PPP1R16B: variants seen among roughly 807,000 people sequenced by gnomAD.
PPP1R16B encodes protein phosphatase 1 regulatory subunit 16B, also known as protein phosphatase 1 regulatory inhibitor subunit 16B.
Under a neutral mutation model 61.7 loss-of-function variants are expected in PPP1R16B, and 14 were observed. That is an observed-to-expected ratio of 0.23 (90% CI 0.15 to 0.35). The LOEUF (loss-of-function observed/expected upper bound fraction) is 0.35. Ranked by LOEUF, PPP1R16B falls within the 10% of genes least tolerant of loss-of-function variation. The probability of loss-of-function intolerance (pLI) is 1.00; values close to 1 mark genes in which losing one functional copy is unlikely to be tolerated. For synonymous variants in PPP1R16B, 266 were observed against 305.3 expected (o/e 0.87, Z 1.34); for missense variants, 547 against 752.5 (o/e 0.73, Z 3.19).
intron 2 of PPP1R16B, among the ~76,000 whole-genome samples, chr20:38,840,253 C>T (rs1209727170): frequency 2.0e-5 from 3 of 152,274 alleles, no homozygotes; most frequent in Admixed American, 6.5e-5. Context: ...CTCACAGTGG[C>T]GTGGGAGCGT....
intron 1 of PPP1R16B, among the ~76,000 whole-genome samples, chr20:38,818,562 T>G (rs2084753879): frequency 6.6e-6 from 1 of 152,054 alleles, no homozygotes; most frequent in Admixed American, 6.6e-5. Context: ...TCCACCAGCG[T>G]TGTGGATGGC....
intron 2 of PPP1R16B, among the ~76,000 whole-genome samples, chr20:38,836,381 T>C (rs949524634): frequency 5.9e-5 from 9 of 152,200 alleles, no homozygotes; most frequent in African/African-American, 2.2e-4. Context: ...AGACAGGGTC[T>C]CGCTCTGTCT....
chr20:38,818,251 C>T (rs111419037), intron 1 of PPP1R16B, among the ~76,000 whole-genome samples: 82 of 152,176 alleles, frequency 5.4e-4, no homozygotes, highest in Non-Finnish European at 1.1e-3. Context: ...AGACTCATTG[C>T]GGGGATTAAA....
At chr20:38,845,654 G>A (rs946698328) in intron 2 of PPP1R16B, among the ~76,000 whole-genome samples, 24 of 152,102 alleles carry the variant, frequency 1.6e-4, no homozygotes, top group Non-Finnish European at 1.0e-4. Context: ...CAGGGTTGGC[G>A]TGTTTGAAGA....
chr20:38,816,859 G>T (rs1404245945), intron 1 of PPP1R16B, among the ~76,000 whole-genome samples: 1 of 152,186 alleles, frequency 6.6e-6, no homozygotes, highest in African/African-American at 2.4e-5. Context: ...GCCAGGCGAG[G>T]TATGTCCTGG....
At chr20:38,888,094 C>T (rs1200355774) in intron 2 of PPP1R16B, among the ~76,000 whole-genome samples, 2 of 152,224 alleles carry the variant, frequency 1.3e-5, no homozygotes, top group Non-Finnish European at 2.9e-5. Context: ...AATTTGTTTC[C>T]CCACAGCAGA....
At chr20:38,827,807 G>A (rs780022688) in intron 1 of PPP1R16B, among the ~76,000 whole-genome samples, 2 of 151,916 alleles carry the variant, frequency 1.3e-5, no homozygotes, top group Non-Finnish European at 2.9e-5. Flanking sequence ...AAAAAATGAC[G>A]CTATTATTCA....
chr20:38,891,489 A>G (rs910529817), intron 3 of PPP1R16B, among the ~76,000 whole-genome samples: 29 of 152,220 alleles, frequency 1.9e-4, no homozygotes, highest in African/African-American at 6.8e-4. Context: ...TTATCCTTAC[A>G]ACAAACTTCA....
intron 2 of PPP1R16B, among the ~76,000 whole-genome samples, chr20:38,850,126 T>C (rs964757308): frequency 2.0e-5 from 3 of 152,186 alleles, no homozygotes; most frequent in Non-Finnish European, 4.4e-5. Flanking sequence ...CTAAATCCTT[T>C]TGGCAACCTC....
intron 2 of PPP1R16B, among the ~76,000 whole-genome samples, chr20:38,868,886 G>A (rs1040861084): frequency 3.9e-5 from 6 of 152,132 alleles, no homozygotes; most frequent in African/African-American, 1.4e-4. Flanking sequence ...TGGACATATG[G>A]ATTAGGTAAA....
intron 2 of PPP1R16B, among the ~76,000 whole-genome samples, chr20:38,867,042 A>G (rs889329593): frequency 1.3e-5 from 2 of 152,116 alleles, no homozygotes; most frequent in African/African-American, 4.8e-5. Context: ...CACTTGGCGT[A>G]ATGTTTTTCG....
At chr20:38,916,961 T>C (rs1319950374) in intron 10 of PPP1R16B, among the ~76,000 whole-genome samples, 1 of 152,214 alleles carries the variant, frequency 6.6e-6, no homozygotes, top group Non-Finnish European at 1.5e-5. Flanking sequence ...TACATATTAG[T>C]ATCCCCTGCC....
At chr20:38,809,419 A>G (rs1031771800) in intron 1 of PPP1R16B, among the ~76,000 whole-genome samples, 1 of 152,172 alleles carries the variant, frequency 6.6e-6, no homozygotes, top group Non-Finnish European at 1.5e-5. Context: ...AGGGATTTCA[A>G]GATGAATGAG....
intron 2 of PPP1R16B, among the ~76,000 whole-genome samples, chr20:38,881,859 C>A (rs1234860645): frequency 6.6e-6 from 1 of 152,154 alleles, no homozygotes; most frequent in Non-Finnish European, 1.5e-5. Flanking sequence ...GTATATGCTT[C>A]CTTCCCTGGG....
intron 4 of PPP1R16B, among the ~76,000 whole-genome samples, 154 bp downstream of exon 4, chr20:38,895,864 C>T (rs1385595995): frequency 3.1e-5 from 4 of 129,808 alleles, no homozygotes; most frequent in African/African-American, 9.4e-5. Context: ...TCTTTCTTCC[C>T]TCCCTCCCTC....
rs1449298076 is a variant in PPP1R16B, at chr20:38,907,421, A to G, written c.898+367A>G. Among the ~76,000 whole-genome samples the G allele has an allele frequency of 6.6e-6, 1 of 152,124 alleles. No individual in the cohort carries two copies. The highest frequency in any genetic ancestry group is 2.4e-5 in the African/African-American group (1 of 41,412). On this transcript the variant is annotated intron_variant, in intron 8 of 10. Transcript: ENST00000299824. This position sits in a 1 kb window ranked among gnomAD's most constrained non-coding sequence, Gnocchi z 4.5. ...ACATGGCTCAGTCAGCAATAGGTAG[A>G]TAGATGGATGAAGGGGTTAGGTAGA...
rs1304845669 is a variant in PPP1R16B, at chr20:38,813,769, T to TCA, written c.-102+7977_-102+7978insCA. On this transcript the variant is annotated intron_variant, in intron 1 of 10. Transcript: ENST00000299824. ...AGGGGTGACATCATCATCATCATCA[T>TCA]TATTATTATTATTATTATTATTATT... Among the ~76,000 whole-genome samples, 100 of 44,030 alleles carry TCA rather than the reference T, an allele frequency of 2.3e-3. 1 individual carries two copies. The highest frequency in any genetic ancestry group is 7.8e-3 in the African/African-American group (93 of 11,872). 28.9% of individuals were successfully genotyped at this position (44,030 alleles called of 152,430 possible). A position where few individuals can be genotyped will look rare whatever the true frequency, so the allele number is the denominator to read the frequency against.
At chr20:38,912,300 T>A (rs1348202119) in intron 10 of PPP1R16B, among the ~76,000 whole-genome samples, 1 of 151,946 alleles carries the variant, frequency 6.6e-6, no homozygotes, top group African/African-American at 2.4e-5. Context: ...GGTTTCACCA[T>A]GTTAAGGTGG....
In PPP1R16B at chr20:38,900,776, A is replaced by G. The variant is rs944600138; in HGVS notation, c.571+92A>G. 10 of 971,506 alleles carry G rather than the reference A, an allele frequency of 1.0e-5. 1 individual carries two copies. The highest frequency in any genetic ancestry group is 6.0e-5 in the East Asian group (2 of 33,514). The allele number at this position is 971,506 out of a possible 1,614,324, so 60.2% of individuals were successfully genotyped here. ...ATGCAGGCGAACAGATTAGCTACGC[A>G]TCGGCCTGCCTCGTGCGCTGTGCTC... On this transcript the variant is annotated intron_variant, in intron 5 of 10. Coordinates refer to ENST00000299824, the MANE Select transcript of PPP1R16B (RefSeq NM_015568.4).
Sources: allele counts gnomAD v4.1 joint callset (sites outside exome capture counted in the v4.1 genomes callset), GRCh38; gene constraint gnomAD v4.1.1; non-coding constraint Gnocchi (gnomAD v3.1); transcripts MANE v1.5; gene names NCBI Gene and HGNC (gene_info 2026-07-23, HGNC 2026-07-21).